The following DDX10 variants were observed in gnomAD, a reference collection of about 807,000 sequenced individuals.
DDX10 encodes the protein probable ATP-dependent RNA helicase DDX10.
In DDX10, 74 loss-of-function variants were observed where a neutral mutation model predicts 104.3. That is an observed-to-expected ratio of 0.71 (90% CI 0.59 to 0.86). The LOEUF is 0.86. Ranked by LOEUF, DDX10 falls within the 40% of genes least tolerant of loss-of-function variation. The probability of loss-of-function intolerance (pLI) is 0.00; values close to 1 mark genes in which losing one functional copy is unlikely to be tolerated. For missense variants in DDX10, 952 were observed against 1,040.0 expected (o/e 0.92, Z 1.16); for synonymous variants, 351 against 353.4 (o/e 0.99, Z 0.08).
chr11:108,685,456 G>A (rs1288784015), intron 6 of DDX10, among the ~76,000 whole-genome samples: 10 of 151,830 alleles, frequency 6.6e-5, no homozygotes, highest in South Asian at 2.1e-4. Context: ...AGATGAACCC[G>A]GTACCTCAGA....
At chr11:108,834,980 G>C (rs1383686850) in intron 13 of DDX10, among the ~76,000 whole-genome samples, 1 of 147,626 alleles carries the variant, frequency 6.8e-6, no homozygotes, top group East Asian at 2.0e-4. Flanking sequence ...CAATTAAGAT[G>C]TAGTAGGAGT....
intron 13 of DDX10, among the ~76,000 whole-genome samples, chr11:108,790,360 A>G (rs2134547508): frequency 6.6e-6 from 1 of 152,340 alleles, no homozygotes; most frequent in South Asian, 2.1e-4. Flanking sequence ...GCAAGAAGGA[A>G]GCAGAGGTAT....
At chr11:108,761,901 G>T (rs1176641135) in intron 13 of DDX10, among the ~76,000 whole-genome samples, 1 of 152,052 alleles carries the variant, frequency 6.6e-6, no homozygotes, top group East Asian at 1.9e-4. Context: ...AGGTGTAGTT[G>T]TAATAAATCA....
intron 16 of DDX10, among the ~76,000 whole-genome samples, chr11:108,880,631 A>T (rs1863215361): frequency 6.6e-6 from 1 of 152,224 alleles, no homozygotes; most frequent in African/African-American, 2.4e-5. Flanking sequence ...GTTGATGTGT[A>T]CAAGGAAAAC....
At chr11:108,833,748 CAGGATTGTTTTTT>C (rs1862507239) in intron 13 of DDX10, among the ~76,000 whole-genome samples, 1 of 152,136 alleles carries the variant, frequency 6.6e-6, no homozygotes, top group Non-Finnish European at 1.5e-5. Flanking sequence ...ATCCACTCTG[CAGGATTGTTTTTT>C]TTGACCTTTA....
intron 13 of DDX10, chr11:108,768,055 A>C (rs1011280191): frequency 2.0e-5 from 3 of 152,226 alleles, no homozygotes; most frequent in Non-Finnish European, 2.9e-5. Context: ...TCTTTTCTCT[A>C]GCTTACTTTA....
In DDX10 at chr11:108,841,493, G is replaced by A. The variant is rs757411015; in HGVS notation, c.2247+17G>A. The A allele has an allele frequency of 1.2e-6, 2 of 1,610,164 alleles. No individual in the cohort carries two copies. Among genetic ancestry groups the A allele is most frequent in the Admixed American group, 3.4e-5 (2 of 59,610 alleles). On this transcript the variant is annotated intron_variant, in intron 15 of 17. Transcript: ENST00000322536. ...AAGCATCGGGTAAGCTTTCCATCTT[G>A]AATTCATACTGAGTAAAATTTAGTG...
chr11:108,903,700 T>A (rs1023402840), intron 16 of DDX10, among the ~76,000 whole-genome samples: 12 of 152,154 alleles, frequency 7.9e-5, no homozygotes, highest in Non-Finnish European at 1.3e-4. Context: ...TTTGTTTGAT[T>A]CTAACCAACC....
chr11:108,676,758 G>A (rs1004155892), intron 3 of DDX10, among the ~76,000 whole-genome samples: 9 of 152,178 alleles, frequency 5.9e-5, no homozygotes, highest in East Asian at 1.9e-4. Flanking sequence ...GTTTTAGTGT[G>A]GTTATTTAGA....
chr11:108,670,671 A>G (rs2134434024), intron 1 of DDX10, among the ~76,000 whole-genome samples: 1 of 152,300 alleles, frequency 6.6e-6, no homozygotes, highest in Non-Finnish European at 1.5e-5. Context: ...ATTGAGGCTC[A>G]CTGAGAAATG....
intron 17 of DDX10, among the ~76,000 whole-genome samples, chr11:108,935,733 A>G (rs1864029238): frequency 6.6e-6 from 1 of 152,136 alleles, no homozygotes; most frequent in Admixed American, 6.5e-5. Flanking sequence ...TCTATCCTGG[A>G]ATGATGACTT....
At chr11:108,679,641 C>T (rs2094231905) in intron 6 of DDX10, 81 bp downstream of exon 6, 2 of 1,090,048 alleles carry the variant, frequency 1.8e-6, no homozygotes, top group Admixed American at 6.0e-5. Context: ...TATCTGTTTT[C>T]TGGGAATTAA....
rs117024323 is a variant in DDX10 at position 108,710,566 on chromosome 11, G to A, written c.1322+3729G>A. On this transcript the variant is annotated intron_variant, in intron 10 of 17. Transcript: ENST00000322536. Reference sequence around the variant, plus strand: ...CTTCAGGGGCAGTAACATGCATGGAGCTGTCATCATTTATGATAACAATGC... The same window carrying A: ...CTTCAGGGGCAGTAACATGCATGGAACTGTCATCATTTATGATAACAATGC... Among the ~76,000 whole-genome samples the A allele has an allele frequency of 1.4e-3, 206 of 152,086 alleles. 4 individuals are homozygous for A. In the East Asian group the frequency reaches 0.038, roughly 28 times the overall value.
At chr11:108,800,840 C>G (rs1181481326) in intron 13 of DDX10, among the ~76,000 whole-genome samples, 1 of 152,156 alleles carries the variant, frequency 6.6e-6, no homozygotes. Context: ...TTTCACTTAT[C>G]CTTTGAGTGT....
chr11:108,711,428 G>A (rs369624529), intron 10 of DDX10, among the ~76,000 whole-genome samples: 20 of 152,308 alleles, frequency 1.3e-4, no homozygotes, highest in African/African-American at 4.8e-4. Context: ...CACCTCCTGG[G>A]TTCAAGCAAT....
chr11:108,856,663 A>G (rs1271730298), intron 16 of DDX10, among the ~76,000 whole-genome samples: 1 of 152,108 alleles, frequency 6.6e-6, no homozygotes, highest in Admixed American at 6.5e-5. Flanking sequence ...ATATCCTTTC[A>G]TTTATGAAAT....
intron 13 of DDX10, among the ~76,000 whole-genome samples, chr11:108,835,472 C>T (rs566424129): frequency 1.3e-4 from 20 of 152,212 alleles, no homozygotes; most frequent in South Asian, 4.2e-4. Flanking sequence ...ATTATATTAC[C>T]GGAAGGAGGG....
chr11:108,677,217 T>G lies in DDX10; in HGVS notation c.511T>G (p.Ser171Ala). Reference sequence around the variant, plus strand: ...AAAAGTAGGAAAGAATCATGACTTCTCAGCTGGTCTCATCATTGGTGGAAA... The same window carrying G: ...AAAAGTAGGAAAGAATCATGACTTCGCAGCTGGTCTCATCATTGGTGGAAA... ...LRKVGKNHDF[S>A]AGLIIGGKDL... Residue 171 changes from serine (S) to alanine (A), a missense_variant, in exon 4 of 18, where the codon TCA becomes GCA. By Grantham distance (99) the Ser-to-Ala change is moderately conservative. Transcript: ENST00000322536. The G allele has an allele frequency of 6.2e-7, 1 of 1,613,852 alleles. No homozygotes were observed. The highest frequency in any genetic ancestry group is 8.5e-7 in the Non-Finnish European group (1 of 1,179,832).
intron 14 of DDX10, among the ~76,000 whole-genome samples, chr11:108,840,241 G>T (rs769718221): frequency 3.9e-5 from 6 of 152,148 alleles, no homozygotes; most frequent in Non-Finnish European, 8.8e-5. Context: ...GCTAAAAGTT[G>T]AGGCTCCATA....
Sources: allele counts gnomAD v4.1 joint callset (sites outside exome capture counted in the v4.1 genomes callset), GRCh38; gene constraint gnomAD v4.1.1; transcripts MANE v1.5; gene names NCBI Gene and HGNC (gene_info 2026-07-23, HGNC 2026-07-21).